SIK3: variants seen among roughly 807,000 people sequenced by gnomAD.
The protein encoded by SIK3 is serine/threonine-protein kinase SIK3.
A neutral mutation model predicts 144.2 loss-of-function variants in SIK3; 28 were observed. The ratio of observed to expected loss-of-function variants is 0.19; its 90% CI spans 0.14 to 0.27. SIK3 has a LOEUF of 0.27. Among genes scored for constraint, SIK3 ranks in the 10% least tolerant of loss-of-function variants. The pLI is 1.00. For synonymous variants in SIK3, 686 were observed against 676.3 expected, an observed-to-expected ratio of 1.01 and a Z score of -0.22; for missense variants, 1,319 against 1,776.0, an observed-to-expected ratio of 0.74 and a Z score of 4.62.
chr11:116,992,186 G>A (rs1204358740), intron 1 of SIK3, among the ~76,000 whole-genome samples: 3 of 151,886 alleles, frequency 2.0e-5, no homozygotes, highest in Middle Eastern at 3.4e-3. Flanking sequence ...TTAGCCAGGC[G>A]TGGTGGTGGG....
chr11:117,066,431 GA>G (rs1000202326), intron 1 of SIK3, among the ~76,000 whole-genome samples: 77 of 138,048 alleles, frequency 5.6e-4, no homozygotes, highest in Admixed American at 6.5e-4. Flanking sequence ...CATGGAATCG[GA>G]AAAAAAAAAA....
chr11:117,072,118 T>C (rs1304871981), intron 1 of SIK3, among the ~76,000 whole-genome samples: 1 of 151,990 alleles, frequency 6.6e-6, no homozygotes. Context: ...CCAGGCGTGG[T>C]GGCTCACACC....
intron 14 of SIK3, chr11:116,869,568 A>C (rs1943846979): frequency 1.3e-5 from 2 of 152,366 alleles, no homozygotes; most frequent in African/African-American, 4.8e-5. Flanking sequence ...AAAGGAAAAA[A>C]CATATAATCT....
Position 116,896,681 on chromosome 11 carries a change from G to A in SIK3, c.742-305C>T, listed in dbSNP as rs554756278. Among the ~76,000 whole-genome samples, 10 of 152,332 alleles carry A rather than the reference G, an allele frequency of 6.6e-5. No homozygotes were observed. In the East Asian group the frequency reaches 1.7e-3, roughly 26 times the overall value. ...GGGCTTCTTTTGCAAATGCAAAGGG[G>A]AAATTTGAAATATGTGGCTCAGTCC... On this transcript the variant is annotated intron_variant, in intron 5 of 24. Coordinates refer to ENST00000445177, the MANE Select transcript of SIK3 (RefSeq NM_001366686.3).
Position 116,872,899 on chromosome 11 carries a change from A to G in SIK3, c.1737+582T>C, listed in dbSNP as rs1944039973. On this transcript the variant is annotated intron_variant, in intron 13 of 24. Coordinates refer to ENST00000445177, the MANE Select transcript of SIK3 (RefSeq NM_001366686.3). ...GAATAAATGAATGAATGAATGACCT[A>G]TGACAGGAAAATAAACAGAACCCAA... Among the ~76,000 whole-genome samples the G allele has an allele frequency of 3.3e-5, 5 of 152,230 alleles. No individual in the cohort carries two copies. The South Asian group carries it at 1.0e-3, about 31-fold the overall frequency.
chr11:117,054,282 C>A (rs1210423160), intron 1 of SIK3, among the ~76,000 whole-genome samples: 1 of 152,144 alleles, frequency 6.6e-6, no homozygotes, highest in Non-Finnish European at 1.5e-5. Context: ...AAGGCAGGTA[C>A]AGCAACAGCA....
chr11:116,864,178 T>C (rs528156569), intron 15 of SIK3: 1 of 163,350 alleles, frequency 6.1e-6, no homozygotes, highest in African/African-American at 2.4e-5. Flanking sequence ...ATCATATGTC[T>C]ATCTAGTGCC....
intron 6 of SIK3, chr11:116,894,088 C>G (rs1248563708): frequency 6.0e-6 from 1 of 165,596 alleles, no homozygotes; most frequent in South Asian, 2.1e-4. Flanking sequence ...CATTCACTCC[C>G]CACAGCTCCT....
chr11:116,960,068 T>C (rs1034725395), intron 1 of SIK3, among the ~76,000 whole-genome samples: 6 of 152,136 alleles, frequency 3.9e-5, no homozygotes, highest in African/African-American at 1.4e-4. Flanking sequence ...AATAAATACA[T>C]ACATACATGA....
intron 6 of SIK3, chr11:116,893,823 C>G (rs1325686755): frequency 6.4e-6 from 1 of 155,958 alleles, no homozygotes; most frequent in African/African-American, 2.4e-5. Context: ...CAGAGCAATA[C>G]TGGACCACTT....
intron 21 of SIK3, among the ~76,000 whole-genome samples, chr11:116,851,188 G>A (rs1261583457): frequency 2.6e-5 from 4 of 152,160 alleles, no homozygotes; most frequent in Non-Finnish European, 5.9e-5. Flanking sequence ...TAGCACTTTT[G>A]ACTTCAGTCT....
rs953890256 is a variant in SIK3 at position 116,876,443 on chromosome 11, T to C, written c.985-80A>G. On this transcript the variant is annotated intron_variant, in intron 7 of 24. Coordinates refer to ENST00000445177, the MANE Select transcript of SIK3 (RefSeq NM_001366686.3). Reference sequence around the variant, plus strand: ...GGCACAGCATATATAATGACCAACCTGTTCCATGCCCTCTGGCTTGGGATA... The same window carrying C: ...GGCACAGCATATATAATGACCAACCCGTTCCATGCCCTCTGGCTTGGGATA... The C allele has an allele frequency of 7.1e-6, 8 of 1,127,432 alleles. No homozygotes were observed. In the South Asian group the frequency reaches 9.9e-5, roughly 14 times the overall value. 69.8% of individuals were successfully genotyped at this position (1,127,432 alleles called of 1,614,324 possible). A position where few individuals can be genotyped will look rare whatever the true frequency, so the allele number is the denominator to read the frequency against.
intron 1 of SIK3, among the ~76,000 whole-genome samples, chr11:117,015,063 C>A (rs1167393616): frequency 2.0e-5 from 3 of 152,138 alleles, no homozygotes; most frequent in Admixed American, 2.0e-4. Context: ...GGCCCTGTCT[C>A]CAAAATACAC....
chr11:117,070,752 C>CTT (rs368884148), intron 1 of SIK3, among the ~76,000 whole-genome samples: 5,049 of 128,098 alleles, frequency 0.039, 393 homozygotes, highest in African/African-American at 0.15. Flanking sequence ...GGCCCTTTTT[C>CTT]TTTTTTTTTT....
At chr11:116,872,857 G>GTAT (rs1234215381) in intron 13 of SIK3, among the ~76,000 whole-genome samples, 2 of 152,078 alleles carry the variant, frequency 1.3e-5, no homozygotes. Context: ...CAATCTTATG[G>GTAT]TACTATGAGA....
chr11:117,049,110 A>T (rs1045433604), intron 1 of SIK3, among the ~76,000 whole-genome samples: 1 of 151,978 alleles, frequency 6.6e-6, no homozygotes, highest in African/African-American at 2.4e-5. Flanking sequence ...ATCTCAAAAA[A>T]TTTTTTAAAA....
intron 1 of SIK3, among the ~76,000 whole-genome samples, chr11:117,017,099 A>T (rs571990334): frequency 1.3e-5 from 2 of 152,360 alleles, no homozygotes; most frequent in East Asian, 3.9e-4. Context: ...AATAAAGAAA[A>T]GCAAAGAATT....
chr11:116,896,863 T>C (rs1265459748), intron 5 of SIK3, among the ~76,000 whole-genome samples: 1 of 151,914 alleles, frequency 6.6e-6, no homozygotes, highest in East Asian at 1.9e-4. Flanking sequence ...CTGTCTCTAT[T>C]AAAAATACAA....
chr11:116,946,431 A>T (rs1359653610), intron 3 of SIK3, among the ~76,000 whole-genome samples: 1 of 152,122 alleles, frequency 6.6e-6, no homozygotes, highest in African/African-American at 2.4e-5. Context: ...CCTAATTTTC[A>T]CAGGGCACTG....
Sources: allele counts gnomAD v4.1 joint callset (sites outside exome capture counted in the v4.1 genomes callset), GRCh38; gene constraint gnomAD v4.1.1; transcripts MANE v1.5; gene names NCBI Gene and HGNC (gene_info 2026-07-23, HGNC 2026-07-21).